Variants in VPS35L observed in about 807,000 individuals in gnomAD.
The protein encoded by VPS35L is VPS35 endosomal protein-sorting factor-like.
Under a neutral mutation model 133.0 loss-of-function variants are expected in VPS35L, and 83 were observed. The observed-to-expected ratio is 0.62, with a 90% CI of 0.52 to 0.75. The LOEUF (loss-of-function observed/expected upper bound fraction) is 0.75, where lower values mean the gene tolerates loss of function less well. Among genes scored for constraint, VPS35L ranks in the 30% least tolerant of loss-of-function variants. The pLI, the probability that VPS35L is intolerant of heterozygous loss-of-function variation, is 0.00. For missense variants in VPS35L, 1,083 were observed against 1,206.8 expected, an observed-to-expected ratio of 0.90 and a Z score of 1.52; for synonymous variants, 423 against 449.9, an observed-to-expected ratio of 0.94 and a Z score of 0.76.
chr16:19,653,768 A>C (rs1331129408), intron 26 of VPS35L, among the ~76,000 whole-genome samples: 1 of 152,218 alleles, frequency 6.6e-6, no homozygotes, highest in African/African-American at 2.4e-5. Context: ...TCACTTCTCC[A>C]TTCTTTGAAC....
intron 25 of VPS35L, 141 bp downstream of exon 25, chr16:19,650,600 T>G: frequency 1.5e-6 from 1 of 680,066 alleles, no homozygotes; most frequent in Non-Finnish European, 2.5e-6. Context: ...GATTAATTTT[T>G]CCCTGTATCT....
At chr16:19,581,063 T>A (rs923732052) in intron 6 of VPS35L, among the ~76,000 whole-genome samples, 1 of 152,172 alleles carries the variant, frequency 6.6e-6, no homozygotes, top group African/African-American at 2.4e-5. Context: ...TTCAGAATCT[T>A]AAGCTCCATT....
intron 8 of VPS35L, among the ~76,000 whole-genome samples, chr16:19,594,674 A>AG (rs1428961292): frequency 7.5e-4 from 107 of 142,896 alleles, no homozygotes; most frequent in Non-Finnish European, 1.4e-3. Flanking sequence ...AAAAAAAAGA[A>AG]GAGAAAAAAA....
At position 19,639,919 on chromosome 16, in the gene VPS35L, T is replaced by G; in HGVS notation, c.1699-96T>G. On this transcript the variant is annotated intron_variant, in intron 20 of 30. Transcript: ENST00000417362. The surrounding 1 kb of genome is among the most constrained non-coding windows in gnomAD (Gnocchi z 4.1). Reference sequence around the variant, plus strand: ...CCGACTCAGAGAGATGAACCTCTGTTCTGCTTCTTTGAACTCCACAGAAAA... The same window carrying G: ...CCGACTCAGAGAGATGAACCTCTGTGCTGCTTCTTTGAACTCCACAGAAAA... 9.6e-7 allele frequency: 1 copy of G among 1,043,544 alleles called. No individual in the cohort carries two copies. 64.6% of individuals were successfully genotyped at this position (1,043,544 alleles called of 1,614,324 possible). A position where few individuals can be genotyped will look rare whatever the true frequency, so the allele number is the denominator to read the frequency against.
At chr16:19,695,765 T>A (rs1211754014) in intron 29 of VPS35L, among the ~76,000 whole-genome samples, 2 of 152,126 alleles carry the variant, frequency 1.3e-5, no homozygotes, top group Non-Finnish European at 2.9e-5. Context: ...TGCAGTGAGC[T>A]GTGATTGCAC....
intron 5 of VPS35L, among the ~76,000 whole-genome samples, chr16:19,576,558 A>T: frequency 6.6e-6 from 1 of 152,108 alleles, no homozygotes. Flanking sequence ...TCCTATTTTG[A>T]TGCTCCAAGG....
chr16:19,577,425 C>T (rs1971572609), intron 5 of VPS35L, among the ~76,000 whole-genome samples: 1 of 152,180 alleles, frequency 6.6e-6, no homozygotes, highest in African/African-American at 2.4e-5. Context: ...GGATCCCCCA[C>T]TACAACCCAG....
chr16:19,640,051 G>C lies in VPS35L; in HGVS notation c.1735G>C (p.Glu579Gln), dbSNP rs745637106. 2 of 1,614,202 alleles carry C rather than the reference G, an allele frequency of 1.2e-6. No homozygotes were observed. The highest frequency in any genetic ancestry group is 1.1e-5 in the South Asian group (1 of 91,080). ...GCCGTTTCTGGACATGTTCCAAAAA[G>C]AGAGTGTGCGGGTGGAGGTTTGCAA... ...FLPFLDMFQK[E>Q]SVRVEVCKCI... is the part of the protein sequence containing the mutation. Residue 579 changes from glutamate (E) to glutamine (Q), a missense_variant, in exon 21 of 31, where the codon GAG becomes CAG. Transcript: ENST00000417362.
chr16:19,608,446 G>C (rs1972605821), intron 10 of VPS35L, 172 bp downstream of exon 10: 2 of 579,094 alleles, frequency 3.5e-6, no homozygotes, highest in Non-Finnish European at 6.1e-6. Context: ...AGAAACCCTT[G>C]GACTCTTGCT....
At chr16:19,573,851 TAAGG>T (rs1180722009) in intron 4 of VPS35L, among the ~76,000 whole-genome samples, 1 of 151,864 alleles carries the variant, frequency 6.6e-6, no homozygotes, top group African/African-American at 2.4e-5. Context: ...AAAAATGAAT[TAAGG>T]GAGGAGAGCA....
intron 1 of VPS35L, among the ~76,000 whole-genome samples, chr16:19,561,090 C>T (rs908768687): frequency 8.6e-5 from 13 of 152,036 alleles, no homozygotes; most frequent in African/African-American, 3.1e-4. Context: ...AAAGTAGGGG[C>T]CAGGTGCAGT....
At chr16:19,585,990 C>T (rs150223558) in intron 7 of VPS35L, among the ~76,000 whole-genome samples, 9 of 151,362 alleles carry the variant, frequency 5.9e-5, no homozygotes, top group African/African-American at 1.2e-4. Context: ...CTTGACCTCC[C>T]GGGTTCAAGT....
At chr16:19,669,378 A>C in intron 27 of VPS35L, 79 bp downstream of exon 27, 1 of 1,438,200 alleles carries the variant, frequency 7.0e-7, no homozygotes, top group Non-Finnish European at 9.3e-7. Context: ...TTAGGCCTAA[A>C]ACTGCAGGAA....
chr16:19,689,794 A>C (rs891393357), intron 28 of VPS35L, among the ~76,000 whole-genome samples: 5 of 152,220 alleles, frequency 3.3e-5, no homozygotes. Flanking sequence ...AAAAAGCATA[A>C]TATATATAGG....
At chr16:19,613,136 A>G (rs1399300029) in intron 12 of VPS35L, among the ~76,000 whole-genome samples, 2 of 152,148 alleles carry the variant, frequency 1.3e-5, no homozygotes, top group African/African-American at 2.4e-5. Flanking sequence ...ACCTGTCTCT[A>G]CTAAAAAATA....
rs1256932037 is a variant in VPS35L at position 19,652,039 on chromosome 16, C to T, written c.2170C>T (p.Leu724Phe). The T allele has an allele frequency of 6.2e-7, 1 of 1,613,358 alleles. No individual in the cohort carries two copies. The highest frequency in any genetic ancestry group is 1.1e-5 in the South Asian group (1 of 90,770). The change falls in exon 26 of 31, where the codon CTC becomes TTC. Residue 724 changes from leucine to phenylalanine, a missense_variant. Physicochemically the swap from Leu to Phe is conservative, Grantham distance 22. Transcript: ENST00000417362. The part of the protein sequence containing the change: ...SLAGIFTRLN[L>F]YLHSGQVALA... ...GGCGGGCATCTTCACACGTCTCAAT[C>T]TCTACCTGCATTCTGGTCAGGTGGC...
At chr16:19,578,218 A>C (rs913073483) in intron 5 of VPS35L, 1 of 446,968 alleles carries the variant, frequency 2.2e-6, no homozygotes, top group Admixed American at 2.5e-5. Flanking sequence ...CTTAAAACCT[A>C]AAACATTTGT....
intron 14 of VPS35L, 54 bp downstream of exon 14, chr16:19,616,862 C>T: frequency 1.9e-6 from 3 of 1,612,310 alleles, no homozygotes; most frequent in Non-Finnish European, 2.5e-6. Context: ...GTGACAGCCC[C>T]TGCCCACTGT....
chr16:19,626,712 A>G (rs754837708), intron 15 of VPS35L, among the ~76,000 whole-genome samples: 14 of 152,112 alleles, frequency 9.2e-5, no homozygotes, highest in Non-Finnish European at 1.3e-4. Context: ...CAGTGAGCCG[A>G]GATCATGACA....
Sources: gnomAD v4.1 joint callset for allele counts (sites outside exome capture counted in the v4.1 genomes callset) on GRCh38, gnomAD v4.1.1 for gene constraint, Gnocchi (gnomAD v3.1) non-coding constraint, MANE v1.5 for transcripts, NCBI Gene and HGNC (gene_info 2026-07-23, HGNC 2026-07-21) for gene names.